Variants in NUDCD1 observed in about 807,000 individuals in gnomAD.
NUDCD1 encodes NudC domain containing 1, also known as nudC domain-containing protein 1.
A neutral mutation model predicts 67.8 loss-of-function variants in NUDCD1; 60 were observed. The ratio of observed to expected loss-of-function variants is 0.88; its 90% confidence interval spans 0.72 to 1.10. The LOEUF is 1.10. Ranked by LOEUF, NUDCD1 falls within the 50% of genes least tolerant of loss-of-function variation. The pLI is 0.00. For missense variants in NUDCD1, 643 were observed against 695.0 expected, an observed-to-expected ratio of 0.93 and a Z score of 0.84; for synonymous variants, 244 against 230.8, an observed-to-expected ratio of 1.06 and a Z score of -0.52.
intron 6 of NUDCD1, among the ~76,000 whole-genome samples, chr8:109,280,481 G>A (rs184026699): frequency 2.0e-5 from 3 of 152,270 alleles, no homozygotes; most frequent in Admixed American, 1.3e-4. Flanking sequence ...AAAGGAAAAA[G>A]TATGTGTCAT....
chr8:109,316,802 ACC>A (rs1351617124), intron 2 of NUDCD1, among the ~76,000 whole-genome samples: 1 of 152,204 alleles, frequency 6.6e-6, no homozygotes, highest in Non-Finnish European at 1.5e-5. Flanking sequence ...CCAGTCCATG[ACC>A]AACCCTGACA....
chr8:109,280,563 T>C (rs545063601), intron 6 of NUDCD1, among the ~76,000 whole-genome samples: 2 of 152,316 alleles, frequency 1.3e-5, no homozygotes, highest in Admixed American at 6.5e-5. Context: ...TAGGCTTGTG[T>C]TGGAGGCAGA....
At chr8:109,307,778 G>C (rs577544672) in intron 2 of NUDCD1, among the ~76,000 whole-genome samples, 1 of 152,180 alleles carries the variant, frequency 6.6e-6, no homozygotes, top group Admixed American at 6.5e-5. Flanking sequence ...AGGGTAGAAA[G>C]AGACATTTCA....
rs1813397862 is a variant in NUDCD1, at chr8:109,242,862, AAT to A, written c.*145_*146del. On this transcript the variant is annotated 3_prime_UTR_variant, in exon 10 of 10. Transcript: ENST00000239690. ...AGCTTTACAGAATCATAATCTCTTG[AAT>A]ATATTTCCAATGTTATTAAAAAATA... The A allele has an allele frequency of 1.6e-5, 8 of 498,606 alleles. No homozygotes were observed. In the Admixed American group the frequency reaches 2.7e-4, roughly 17 times the overall value. 30.9% of individuals were successfully genotyped at this position (498,606 alleles called of 1,614,324 possible).
intron 5 of NUDCD1, among the ~76,000 whole-genome samples, chr8:109,282,708 G>A (rs1814479564): frequency 6.6e-6 from 1 of 151,980 alleles, no homozygotes; most frequent in African/African-American, 2.4e-5. Flanking sequence ...GGGAGGGATA[G>A]CATTAGGAGA....
chr8:109,253,021 C>T (rs992231185), intron 8 of NUDCD1, among the ~76,000 whole-genome samples: 3 of 152,122 alleles, frequency 2.0e-5, no homozygotes, highest in Non-Finnish European at 4.4e-5. Context: ...AAGTAGCCAA[C>T]CCATGTACTA....
At chr8:109,313,783 T>C (rs1039596354) in intron 2 of NUDCD1, 5 of 743,924 alleles carry the variant, frequency 6.7e-6, no homozygotes, top group Non-Finnish European at 1.0e-5. Flanking sequence ...TTTAAGCCAT[T>C]TTCTTTAAAA....
intron 8 of NUDCD1, 70 bp downstream of exon 8, chr8:109,270,935 C>A: frequency 1.0e-6 from 1 of 998,084 alleles, no homozygotes; most frequent in Non-Finnish European, 1.5e-6. Context: ...CTTTGAAAAA[C>A]ATATTTAGAC....
At chr8:109,276,738 C>T (rs1184217271) in intron 6 of NUDCD1, among the ~76,000 whole-genome samples, 1 of 152,218 alleles carries the variant, frequency 6.6e-6, no homozygotes, top group Non-Finnish European at 1.5e-5. Context: ...TTACTGCAAC[C>T]TCCAACTCCC....
intron 2 of NUDCD1, chr8:109,298,706 A>C (rs1814903417): frequency 6.6e-6 from 1 of 152,204 alleles, no homozygotes; most frequent in Non-Finnish European, 1.5e-5. Flanking sequence ...AACAAGAAAC[A>C]TGATTATTTA....
At chr8:109,312,114 C>T (rs1178396033) in intron 2 of NUDCD1, among the ~76,000 whole-genome samples, 2 of 151,818 alleles carry the variant, frequency 1.3e-5, no homozygotes, top group Admixed American at 6.6e-5. Context: ...CCAGCCTGGC[C>T]AACATGGTGA....
At chr8:109,270,114 A>C (rs1376895388) in intron 8 of NUDCD1, among the ~76,000 whole-genome samples, 1 of 141,114 alleles carries the variant, frequency 7.1e-6, no homozygotes, top group Non-Finnish European at 1.5e-5. Context: ...ATATATGCAT[A>C]TATGGCACAC....
intron 8 of NUDCD1, among the ~76,000 whole-genome samples, chr8:109,257,762 G>T (rs1042895612): frequency 6.6e-5 from 10 of 152,026 alleles, no homozygotes; most frequent in African/African-American, 2.4e-4. Context: ...AGGCCTAAAG[G>T]TCATACAGTC....
intron 4 of NUDCD1, among the ~76,000 whole-genome samples, chr8:109,290,774 G>A (rs575475552): frequency 1.3e-5 from 2 of 152,142 alleles, no homozygotes; most frequent in South Asian, 4.2e-4. Context: ...CTCTTTAAGT[G>A]GGTTATACTT....
At chr8:109,324,151 T>C (rs1311789147) in intron 1 of NUDCD1, among the ~76,000 whole-genome samples, 1 of 150,594 alleles carries the variant, frequency 6.6e-6, no homozygotes, top group African/African-American at 2.4e-5. Flanking sequence ...TGGGAGAAAA[T>C]ATTTGCAAAC....
At chr8:109,251,983 T>C (rs927088601) in intron 8 of NUDCD1, among the ~76,000 whole-genome samples, 3 of 152,220 alleles carry the variant, frequency 2.0e-5, no homozygotes, top group East Asian at 1.9e-4. Context: ...AACTTTCCTT[T>C]TGAGTTCCAC....
At chr8:109,286,712 T>C (rs1814582357) in intron 5 of NUDCD1, among the ~76,000 whole-genome samples, 1 of 152,024 alleles carries the variant, frequency 6.6e-6, no homozygotes, top group African/African-American at 2.4e-5. Context: ...TTGTGGACAC[T>C]GGCCTTGAGA....
intron 1 of NUDCD1, among the ~76,000 whole-genome samples, chr8:109,327,617 G>A (rs988279947): frequency 8.5e-5 from 13 of 152,248 alleles, no homozygotes; most frequent in Admixed American, 3.3e-4. Flanking sequence ...AGCTTCAGTC[G>A]AAATATGCAA....
chr8:109,324,058 T>C (rs1815605555), intron 1 of NUDCD1, among the ~76,000 whole-genome samples: 1 of 152,000 alleles, frequency 6.6e-6, no homozygotes, highest in Non-Finnish European at 1.5e-5. Flanking sequence ...TGGGATTATA[T>C]TTAACTAAAC....
Sources: allele counts gnomAD v4.1 joint callset (sites outside exome capture counted in the v4.1 genomes callset), GRCh38; gene constraint gnomAD v4.1.1; transcripts MANE v1.5; gene names NCBI Gene and HGNC (gene_info 2026-07-23, HGNC 2026-07-21).